ANKRD30B: variants seen among roughly 807,000 people sequenced by gnomAD.
ANKRD30B encodes ankyrin repeat domain 30B, also known as ankyrin repeat domain-containing protein 30B.
In ANKRD30B, 144 loss-of-function variants were observed where a neutral mutation model predicts 202.2. That is an observed-to-expected ratio of 0.71 (90% CI 0.62 to 0.82). ANKRD30B has a LOEUF of 0.82. Among genes scored for constraint, ANKRD30B ranks in the 40% least tolerant of loss-of-function variants. The probability of loss-of-function intolerance (pLI) is 0.00; values close to 1 mark genes in which losing one functional copy is unlikely to be tolerated. For synonymous variants in ANKRD30B, 508 were observed against 561.3 expected (o/e 0.91, Z 1.34); for missense variants, 1,487 against 1,669.1 (o/e 0.89, Z 1.90).
At position 14,752,553 on chromosome 18, in the gene ANKRD30B, C is replaced by T. The variant is rs1228823940; in HGVS notation, c.222-13C>T. 11 of 1,601,754 alleles carry T rather than the reference C, an allele frequency of 6.9e-6. No homozygotes were observed. The highest frequency in any genetic ancestry group is 9.4e-6 in the Non-Finnish European group (11 of 1,174,018). On this transcript the variant is annotated splice_polypyrimidine_tract_variant and intron_variant, in intron 1 of 43. Transcript: ENST00000690538. ...GGGCTATACTTTGCCTAAAAGTCCT[C>T]TCACTCTCGTAGGACTGCTCTACAC... is the stretch of plus-strand genomic sequence containing the variant.
Position 14,838,803 on chromosome 18 carries a change from G to A in ANKRD30B, c.2988+1127G>A, listed in dbSNP as rs1231431314. On this transcript the variant is annotated intron_variant, in intron 36 of 43. Transcript: ENST00000690538. ...CAGTAACTTTGTTTATAAAAATAGC[G>A]CTCATATCTACCTCTTAGTTGCATG... 2.0e-5 allele frequency among the ~76,000 whole-genome samples: 3 copies of A among 152,172 alleles called. No individual in the cohort carries two copies. The East Asian group carries it at 5.8e-4, about 29-fold the overall frequency.
At chr18:14,811,078 T>G (rs1969888524) in intron 28 of ANKRD30B, among the ~76,000 whole-genome samples, 1 of 151,370 alleles carries the variant, frequency 6.6e-6, no homozygotes, top group South Asian at 2.1e-4. Context: ...TTGTGCCACT[T>G]TAGCCTGAGT....
At chr18:14,907,054 T>C in the ANKRD30B span, among the ~76,000 whole-genome samples, 1 of 152,076 alleles carries the variant, frequency 6.6e-6, no homozygotes, top group African/African-American at 2.4e-5. Flanking sequence ...AGGTCAAAGT[T>C]CTTATTATGA....
chr18:14,928,033 T>G, the ANKRD30B span, among the ~76,000 whole-genome samples: 21 of 152,226 alleles, frequency 1.4e-4, no homozygotes, highest in African/African-American at 4.8e-4. Flanking sequence ...AATGGTGCTA[T>G]CTCAGCTCAC....
rs547081681 is a variant in ANKRD30B, at chr18:14,794,153, A to G, written c.1826-2068A>G. 2.6e-5 allele frequency among the ~76,000 whole-genome samples: 4 copies of G among 152,310 alleles called. No homozygotes were observed. The East Asian group carries it at 7.7e-4, about 29-fold the overall frequency. ...ATGCCATGTGACCTGTCCTGATTTT[A>G]AAAAACTCCAGTGTACCCCTTTATA... On this transcript the variant is annotated intron_variant, in intron 16 of 43. Coordinates refer to ENST00000690538, the MANE Select transcript of ANKRD30B (RefSeq NM_001367607.2).
In ANKRD30B at chr18:14,852,030, A is replaced by C. The variant is rs1971904960; in HGVS notation, c.4086A>C (p.Pro1362=). Residue 1362 remains proline, a synonymous_variant, in exon 42 of 44, where the codon CCA becomes CCC. Coordinates refer to ENST00000690538, the MANE Select transcript of ANKRD30B (RefSeq NM_001367607.2). ...AAGCTCAAAGGAAATCCAAAAGCCCAAAAATTAATCTCAATTATGCAGGAG... is the reference window on the plus strand; with the variant it reads ...AAGCTCAAAGGAAATCCAAAAGCCCCAAAATTAATCTCAATTATGCAGGAG... ...LYEAQRKSKS[P]KINLNYAGDD... is the part of the protein sequence containing the mutation. The C allele has an allele frequency of 6.2e-7, 1 of 1,604,800 alleles. No individual in the cohort carries two copies. Among genetic ancestry groups the C allele is most frequent in the South Asian group, 1.1e-5 (1 of 89,800 alleles).
chr18:14,921,327 G>A, the ANKRD30B span, among the ~76,000 whole-genome samples: 1 of 147,318 alleles, frequency 6.8e-6, no homozygotes, highest in Admixed American at 6.7e-5. Flanking sequence ...AGGTGGAGAG[G>A]GCAGGAGACA....
rs573988622 is a variant in ANKRD30B at position 14,754,939 on chromosome 18, G to A, written c.551G>A (p.Ser184Asn). 2.6e-6 allele frequency: 4 copies of A among 1,560,720 alleles called. No individual in the cohort carries two copies. The South Asian group carries it at 3.6e-5, about 14-fold the overall frequency. ...CTTTTACTGGCCATACAGAAAAGAA[G>A]CAAGCAAACTGTGGAATTTTTACTA... ...TPLLLAIQKR[S>N]KQTVEFLLTK... Residue 184 changes from serine (S) to asparagine (N), a missense_variant, in exon 4 of 44, where the codon AGC (serine) becomes AAC (asparagine). Physicochemically the swap from Ser to Asn is conservative, Grantham distance 46 (BLOSUM62 1). Around this residue, in one of 6 missense-constraint regions of ANKRD30B, gnomAD observed 889 missense variants for 841.4 expected, o/e 1.06. Coordinates refer to ENST00000690538, the MANE Select transcript of ANKRD30B (RefSeq NM_001367607.2).
intron 34 of ANKRD30B, 165 bp from the exon 35 acceptor site, chr18:14,837,046 T>C: frequency 2.0e-6 from 1 of 503,478 alleles, no homozygotes; most frequent in East Asian, 3.1e-5. Flanking sequence ...CATGTATATT[T>C]TCTGCTTCTC....
chr18:14,890,847 C>T, the ANKRD30B span, among the ~76,000 whole-genome samples: 1 of 151,606 alleles, frequency 6.6e-6, no homozygotes, highest in Non-Finnish European at 1.5e-5. Context: ...TTATATAATA[C>T]TTCATAACTT....
chr18:14,784,602 A>C, intron 14 of ANKRD30B, 67 bp downstream of exon 14: 8 of 1,479,050 alleles, frequency 5.4e-6, no homozygotes, highest in Non-Finnish European at 7.4e-6. Flanking sequence ...TAGTCTTTCT[A>C]TCCCCAATGA....
intron 37 of ANKRD30B, 26 bp from the exon 38 acceptor site, chr18:14,842,871 G>T: frequency 6.5e-7 from 1 of 1,547,952 alleles, no homozygotes; most frequent in Non-Finnish European, 8.7e-7. Context: ...ACTTATGACT[G>T]ATAATAAATC....
At chr18:14,853,416 C>G (rs1354035692) in intron 42 of ANKRD30B, among the ~76,000 whole-genome samples, 1 of 152,044 alleles carries the variant, frequency 6.6e-6, no homozygotes, top group Admixed American at 6.6e-5. Flanking sequence ...AGATAAAAAT[C>G]TATTGGAAAA....
intron 40 of ANKRD30B, among the ~76,000 whole-genome samples, chr18:14,849,302 A>G (rs554749967): frequency 2.0e-5 from 3 of 151,718 alleles, no homozygotes; most frequent in Non-Finnish European, 3.0e-5. Context: ...ATATAGAAAT[A>G]TTTAGTTAAA....
the ANKRD30B span, among the ~76,000 whole-genome samples, chr18:14,910,614 A>G: frequency 2.0e-5 from 3 of 151,830 alleles, no homozygotes; most frequent in Non-Finnish European, 2.9e-5. Flanking sequence ...TTTTGATATA[A>G]TAAATTATTT....
At chr18:14,842,075 T>A (rs996384004) in intron 37 of ANKRD30B, among the ~76,000 whole-genome samples, 2 of 152,118 alleles carry the variant, frequency 1.3e-5, no homozygotes, top group African/African-American at 4.8e-5. Flanking sequence ...AATTACAGAA[T>A]TTATTACTTG....
chr18:14,845,613 T>C (rs1430929915), intron 39 of ANKRD30B, among the ~76,000 whole-genome samples: 1 of 151,868 alleles, frequency 6.6e-6, no homozygotes, highest in Non-Finnish European at 1.5e-5. Flanking sequence ...AAGTGTTTGG[T>C]ATTTTTCAAC....
the ANKRD30B span, among the ~76,000 whole-genome samples, chr18:14,909,333 G>A: frequency 6.6e-6 from 1 of 152,112 alleles, no homozygotes; most frequent in Non-Finnish European, 1.5e-5. Context: ...GATGTTTGTC[G>A]GACACTTGCA....
the ANKRD30B span, among the ~76,000 whole-genome samples, chr18:14,930,575 C>T: frequency 2.2e-4 from 33 of 152,178 alleles, 1 homozygote; most frequent in Admixed American, 1.8e-3. Flanking sequence ...AGGCCATGGA[C>T]GCTGGGTGTG....
Sources: allele counts gnomAD v4.1 joint callset (sites outside exome capture counted in the v4.1 genomes callset), GRCh38; gene constraint gnomAD v4.1.1; regional missense constraint gnomAD v4.1.1; transcripts MANE v1.5; gene names NCBI Gene and HGNC (gene_info 2026-07-23, HGNC 2026-07-21).